TBC1D21: variants seen among roughly 807,000 people sequenced by gnomAD.
TBC1D21 encodes TBC1 domain family member 21, also known as male germ cell Rab GTPase-activating protein.
Under a neutral mutation model 46.0 loss-of-function variants are expected in TBC1D21, and 38 were observed. The ratio of observed to expected loss-of-function variants is 0.83; its 90% CI spans 0.64 to 1.08. TBC1D21 has a LOEUF of 1.08. TBC1D21 is among the 50% of genes least tolerant of loss of function. The pLI, the probability that TBC1D21 is intolerant of heterozygous loss-of-function variation, is 0.00. For missense variants in TBC1D21, 415 were observed against 417.9 expected (o/e 0.99, Z 0.06); for synonymous variants, 151 against 157.2 (o/e 0.96, Z 0.29).
chr15:73,881,688 G>C lies in TBC1D21; in HGVS notation c.213G>C (p.Thr71=), dbSNP rs770849847. The part of the protein sequence containing the change: ...FVRTEAWKFL[T]GYFSWQSSQD... ...GGACTGAAGCCTGGAAATTCCTCAC[G>C]GGCTACTTCTCATGGCAGAGTTCCC... is the stretch of plus-strand genomic sequence containing the variant. The change falls in exon 3 of 11, where the codon ACG becomes ACC. Residue 71 remains threonine (T), a synonymous_variant. Coordinates refer to ENST00000300504, the MANE Select transcript of TBC1D21 (RefSeq NM_153356.3). 2.5e-6 allele frequency: 4 copies of C among 1,610,492 alleles called. No homozygotes were observed. The highest frequency in any genetic ancestry group is 3.4e-6 in the Non-Finnish European group (4 of 1,178,510).
chr15:73,892,588 T>C (rs1241442991), downstream of TBC1D21, among the ~76,000 whole-genome samples: 4 of 152,232 alleles, frequency 2.6e-5, no homozygotes, highest in Non-Finnish European at 5.9e-5. Context: ...TACCAGCATC[T>C]GGAGCTGCCC....
intron 10 of TBC1D21, 36 bp downstream of exon 10, chr15:73,888,549 T>TTCCTCCTCCTCCTCTTCCTCC: frequency 7.6e-7 from 1 of 1,321,030 alleles, no homozygotes; most frequent in Non-Finnish European, 1.0e-6. Flanking sequence ...CCTCCTCCTC[T>TTCCTCCTCCTCCTCTTCCTCC]TCCTCCTCCT....
At chr15:73,894,282 G>T in the TBC1D21 span, among the ~76,000 whole-genome samples, 1 of 152,220 alleles carries the variant, frequency 6.6e-6, no homozygotes, top group Admixed American at 6.5e-5. Flanking sequence ...CTGGTCCTCT[G>T]CAGAGCAGGC....
the TBC1D21 span, among the ~76,000 whole-genome samples, chr15:73,898,762 G>T: frequency 6.7e-6 from 1 of 150,110 alleles, no homozygotes; most frequent in Admixed American, 6.7e-5. Context: ...CAGTTGGGAG[G>T]CTGAGGCAGG....
In TBC1D21 at chr15:73,873,740, T is replaced by A. The variant is rs2068008935; in HGVS notation, c.31T>A (p.Ser11Thr). Reference protein sequence around the residue: MTTLSPENSLSARQSASFILV... With the variant: MTTLSPENSLTARQSASFILV... Reference sequence around the variant, plus strand: ...CACCCTCTCTCCTGAAAACAGCCTCTCTGCCAGACAGTCAGCCTCCTTCAT... The same window carrying A: ...CACCCTCTCTCCTGAAAACAGCCTCACTGCCAGACAGTCAGCCTCCTTCAT... Residue 11 changes from serine to threonine, a missense_variant, in exon 1 of 11, where the codon TCT becomes ACT. Ser to Thr is a moderately conservative substitution (Grantham distance 58, BLOSUM62 1). Coordinates refer to ENST00000300504, the MANE Select transcript of TBC1D21 (RefSeq NM_153356.3). 1 of 1,610,034 alleles carries A rather than the reference T, an allele frequency of 6.2e-7. No homozygotes were observed. Among genetic ancestry groups the A allele is most frequent in the South Asian group, 1.1e-5 (1 of 90,124 alleles).
intron 1 of TBC1D21, 66 bp from the exon 2 acceptor site, chr15:73,881,333 T>C: frequency 1.6e-6 from 2 of 1,239,064 alleles, no homozygotes; most frequent in Non-Finnish European, 2.3e-6. Flanking sequence ...GAACATATTA[T>C]TTAAAATCAC....
Position 73,886,554 on chromosome 15 carries a change from T to C in TBC1D21, c.719T>C (p.Phe240Ser), listed in dbSNP as rs1323850209. ...GCTGTGCAGTCCCTCTTCCCCTGGTTCTGCTTCTGCTTCCAGCGTGCCTTC... is the reference window on the plus strand; with the variant it reads ...GCTGTGCAGTCCCTCTTCCCCTGGTCCTGCTTCTGCTTCCAGCGTGCCTTC... ...AGAVQSLFPW[F>S]CFCFQRAFKS... The change falls in exon 8 of 11, where the codon TTC becomes TCC. Residue 240 changes from phenylalanine (F) to serine (S), a missense_variant. Coordinates refer to ENST00000300504, the MANE Select transcript of TBC1D21 (RefSeq NM_153356.3). The C allele has an allele frequency of 1.2e-6, 2 of 1,613,632 alleles. No homozygotes were observed. The highest frequency in any genetic ancestry group is 1.7e-6 in the Non-Finnish European group (2 of 1,180,032).
intron 1 of TBC1D21, among the ~76,000 whole-genome samples, chr15:73,876,201 T>TG (rs1567062233): frequency 1.4e-3 from 12 of 8,508 alleles, no homozygotes; most frequent in East Asian, 0.012. Flanking sequence ...TTTTGTGGGT[T>TG]TTTTTTTTTT....
At chr15:73,886,293 C>A in intron 7 of TBC1D21, 119 bp downstream of exon 7, 1 of 964,640 alleles carries the variant, frequency 1.0e-6, no homozygotes, top group Non-Finnish European at 1.6e-6. Context: ...CATTTGATTG[C>A]TTCTCCAGGC....
At chr15:73,905,332 A>G in the TBC1D21 span, among the ~76,000 whole-genome samples, 391 of 152,362 alleles carry the variant, frequency 2.6e-3, 1 homozygote, top group African/African-American at 9.1e-3. Context: ...CAATTGCTAA[A>G]TGATCTGATT....
the TBC1D21 span, among the ~76,000 whole-genome samples, chr15:73,896,340 C>T: frequency 6.6e-6 from 1 of 152,124 alleles, no homozygotes; most frequent in Non-Finnish European, 1.5e-5. Flanking sequence ...AATAGTGACG[C>T]TGCCATCACA....
intron 4 of TBC1D21, 62 bp downstream of exon 4, chr15:73,884,307 T>A (rs1382545712): frequency 5.5e-6 from 8 of 1,452,768 alleles, no homozygotes; most frequent in Middle Eastern, 1.8e-4. Flanking sequence ...CCCTGCCCCC[T>A]TCTCAGCCAC....
At chr15:73,879,293 C>T (rs534685853) in intron 1 of TBC1D21, among the ~76,000 whole-genome samples, 60 of 152,074 alleles carry the variant, frequency 3.9e-4, no homozygotes, top group African/African-American at 1.4e-3. Context: ...CTGCAATCTC[C>T]GCCTCCCAGG....
chr15:73,883,273 G>T (rs2068186153), intron 3 of TBC1D21, among the ~76,000 whole-genome samples: 1 of 152,226 alleles, frequency 6.6e-6, no homozygotes, highest in Admixed American at 6.5e-5. Flanking sequence ...AGGTTCAGGA[G>T]CTCTGACAAG....
At chr15:73,876,688 C>T (rs1312585123) in intron 1 of TBC1D21, among the ~76,000 whole-genome samples, 6 of 152,104 alleles carry the variant, frequency 3.9e-5, no homozygotes, top group African/African-American at 1.4e-4. Context: ...TGCCTTATTG[C>T]GTTGATGCTG....
the TBC1D21 span, among the ~76,000 whole-genome samples, chr15:73,905,800 A>C: frequency 2.0e-5 from 3 of 152,186 alleles, no homozygotes; most frequent in Admixed American, 2.0e-4. Context: ...AGCCTCCCTA[A>C]AGGGGCAGAG....
At chr15:73,888,938 C>T (rs2068310279) in intron 10 of TBC1D21, 131 bp from the exon 11 acceptor site, 2 of 1,060,760 alleles carry the variant, frequency 1.9e-6, no homozygotes, top group Non-Finnish European at 2.8e-6. Context: ...GGGCCCTCAT[C>T]CCCCATTCCC....
At chr15:73,892,717 G>A (rs1032012117), downstream of TBC1D21, among the ~76,000 whole-genome samples, 13 of 152,246 alleles carry the variant, frequency 8.5e-5, no homozygotes, top group Non-Finnish European at 1.9e-4. Flanking sequence ...GTGGGCTCCA[G>A]GCCAATAGTG....
At chr15:73,875,723 C>G (rs755847035) in intron 1 of TBC1D21, among the ~76,000 whole-genome samples, 1 of 152,148 alleles carries the variant, frequency 6.6e-6, no homozygotes, top group Admixed American at 6.5e-5. Context: ...TCTAGCAGTA[C>G]GCTTCCCAGG....
Sources: gnomAD v4.1 joint callset for allele counts (sites outside exome capture counted in the v4.1 genomes callset) on GRCh38, gnomAD v4.1.1 for gene constraint, MANE v1.5 for transcripts, NCBI Gene and HGNC (gene_info 2026-07-23, HGNC 2026-07-21) for gene names.